SUMF1: variants seen among roughly 807,000 people sequenced by gnomAD.
SUMF1 encodes the protein formylglycine-generating enzyme.
A neutral mutation model predicts 47.6 loss-of-function variants in SUMF1; 48 were observed. The observed-to-expected ratio is 1.01, with a 90% CI of 0.80 to 1.28. SUMF1 has a LOEUF of 1.28. SUMF1 is among the 50% of genes most tolerant of loss of function. The pLI is 0.00. For missense variants in SUMF1, 571 were observed against 485.4 expected (o/e 1.18, Z -1.66); for synonymous variants, 230 against 192.1 (o/e 1.20, Z -1.63).
intron 8 of SUMF1, among the ~76,000 whole-genome samples, chr3:4,233,797 G>GA (rs1045501175): frequency 1.3e-5 from 2 of 152,056 alleles, no homozygotes; most frequent in Non-Finnish European, 2.9e-5. Flanking sequence ...ATAAGCTTCA[G>GA]AAAAAAGGGT....
chr3:4,041,017 A>C (rs1231312917), intron 9 of SUMF1, among the ~76,000 whole-genome samples: 1 of 152,210 alleles, frequency 6.6e-6, no homozygotes, highest in Non-Finnish European at 1.5e-5. Flanking sequence ...CAGTTCCCAA[A>C]GAGTGCCTTC....
chr3:4,058,502 C>A (rs190440530), intron 9 of SUMF1, among the ~76,000 whole-genome samples: 2 of 152,022 alleles, frequency 1.3e-5, no homozygotes, highest in Admixed American at 1.3e-4. Context: ...ATTAAGGGAC[C>A]AGGGACTGGC....
At chr3:4,203,248 G>C (rs985280830) in intron 8 of SUMF1, among the ~76,000 whole-genome samples, 1 of 151,778 alleles carries the variant, frequency 6.6e-6, no homozygotes, top group African/African-American at 2.4e-5. Flanking sequence ...AATAATATTT[G>C]CTTTATATAT....
chr3:4,215,373 T>G (rs896038581), intron 8 of SUMF1, among the ~76,000 whole-genome samples: 2 of 152,070 alleles, frequency 1.3e-5, no homozygotes, highest in African/African-American at 4.8e-5. Context: ...CTAAATTAAC[T>G]AGGTATTGGT....
chr3:4,459,694 C>A (rs967653866), intron 1 of SUMF1, among the ~76,000 whole-genome samples: 1 of 152,192 alleles, frequency 6.6e-6, no homozygotes. Flanking sequence ...ACACAGGCCA[C>A]CTAGTCTCAC....
At chr3:4,259,277 T>A (rs528273406) in intron 8 of SUMF1, among the ~76,000 whole-genome samples, 4 of 152,056 alleles carry the variant, frequency 2.6e-5, no homozygotes, top group Non-Finnish European at 5.9e-5. Flanking sequence ...AATAAATAAA[T>A]AAATAAATAA....
intron 9 of SUMF1, among the ~76,000 whole-genome samples, chr3:4,056,738 A>AT (rs563250268): frequency 6.6e-6 from 1 of 151,738 alleles, no homozygotes; most frequent in Non-Finnish European, 1.5e-5. Flanking sequence ...GTGATCCATA[A>AT]TTTTTTTTAT....
chr3:4,393,273 C>A (rs1044737703), intron 7 of SUMF1, among the ~76,000 whole-genome samples: 1 of 152,116 alleles, frequency 6.6e-6, no homozygotes, highest in Admixed American at 6.5e-5. Flanking sequence ...CACCCTGAAT[C>A]AAGTCAATCT....
At chr3:4,342,844 C>A (rs1021332630) in intron 8 of SUMF1, among the ~76,000 whole-genome samples, 2 of 152,218 alleles carry the variant, frequency 1.3e-5, no homozygotes, top group Non-Finnish European at 2.9e-5. Context: ...TCAGGAGCAG[C>A]TGTCCTAAAG....
At chr3:4,158,568 A>C (rs541118101) in intron 8 of SUMF1, among the ~76,000 whole-genome samples, 1 of 151,466 alleles carries the variant, frequency 6.6e-6, no homozygotes, top group South Asian at 2.1e-4. Context: ...CTATTGTTGT[A>C]TTGGGGTCTA....
intron 8 of SUMF1, among the ~76,000 whole-genome samples, chr3:4,221,151 A>G (rs1696051630): frequency 6.6e-6 from 1 of 152,122 alleles, no homozygotes; most frequent in Non-Finnish European, 1.5e-5. Flanking sequence ...CTCTCTATAA[A>G]TAATTTTCCA....
At chr3:4,092,188 G>C (rs1692803085) in intron 8 of SUMF1, among the ~76,000 whole-genome samples, 2 of 152,044 alleles carry the variant, frequency 1.3e-5, no homozygotes, top group African/African-American at 4.8e-5. Flanking sequence ...AATCTCCTCT[G>C]ACACACAGTG....
intron 8 of SUMF1, among the ~76,000 whole-genome samples, chr3:4,238,404 G>A (rs1195586394): frequency 6.6e-6 from 1 of 152,136 alleles, no homozygotes; most frequent in Admixed American, 6.5e-5. Flanking sequence ...CAGTGTAAAA[G>A]CATTCCTATT....
Position 4,362,155 on chromosome 3 carries a change from T to C in SUMF1, c.1114A>G (p.Thr372Ala), listed in dbSNP as rs779506377. Reference sequence around the variant, plus strand: ...ACTTTCCTTGGTTGTCAGTCCATAGTGGGCAGGCGGTCGGCTGCACAGCGG... The same window carrying C: ...ACTTTCCTTGGTTGTCAGTCCATAGCGGGCAGGCGGTCGGCTGCACAGCGG... The part of the protein sequence containing the change: ...GFRCAADRLP[T>A]MD Residue 372 changes from threonine to alanine, a missense_variant, in exon 9 of 9, where the codon ACT becomes GCT. Thr to Ala is a moderately conservative substitution (Grantham distance 58). Transcript: ENST00000272902. 23 of 1,614,120 alleles carry C rather than the reference T, an allele frequency of 1.4e-5. No homozygotes were observed. In the South Asian group the frequency reaches 2.2e-4, roughly 15 times the overall value.
chr3:4,260,786 C>G (rs1697069430), intron 8 of SUMF1, among the ~76,000 whole-genome samples: 1 of 151,940 alleles, frequency 6.6e-6, no homozygotes, highest in African/African-American at 2.4e-5. Flanking sequence ...AGTTCAGTAA[C>G]CAGTAGGCAG....
intron 8 of SUMF1, among the ~76,000 whole-genome samples, chr3:4,260,803 G>GCCA (rs894932765): frequency 8.5e-5 from 13 of 152,176 alleles, no homozygotes; most frequent in Non-Finnish European, 1.8e-4. Flanking sequence ...GCAGATTAAT[G>GCCA]CCACACCCAA....
In SUMF1 at chr3:4,397,027, A is replaced by G. The variant is rs74853357; in HGVS notation, c.954+13838T>C. ...AGAAACTTTCTCATCATCTACTGGTAGTGGTAGACTGCCAGATGGAATGCA... is the reference window on the plus strand; with the variant it reads ...AGAAACTTTCTCATCATCTACTGGTGGTGGTAGACTGCCAGATGGAATGCA... On this transcript the variant is annotated intron_variant, in intron 7 of 8. Coordinates refer to ENST00000272902, the MANE Select transcript of SUMF1 (RefSeq NM_182760.4). Among the ~76,000 whole-genome samples, 545 of 152,350 alleles carry G rather than the reference A, an allele frequency of 3.6e-3. 5 individuals carry two copies. Among genetic ancestry groups the G allele is most frequent in the African/African-American group, 0.013 (522 of 41,582 alleles).
At chr3:4,442,341 C>T (rs1454466971) in intron 3 of SUMF1, among the ~76,000 whole-genome samples, 8 of 151,688 alleles carry the variant, frequency 5.3e-5, no homozygotes, top group Non-Finnish European at 1.2e-4. Flanking sequence ...CTGCAAGCTC[C>T]GCCTCCCGGG....
intron 1 of SUMF1, among the ~76,000 whole-genome samples, chr3:4,458,657 C>G (rs1246813289): frequency 6.6e-6 from 1 of 152,132 alleles, no homozygotes; most frequent in Non-Finnish European, 1.5e-5. Flanking sequence ...AGATCAAGAC[C>G]ATCCTGGCTA....
Sources: gnomAD v4.1 joint callset for allele counts (sites outside exome capture counted in the v4.1 genomes callset) on GRCh38, gnomAD v4.1.1 for gene constraint, MANE v1.5 for transcripts, NCBI Gene and HGNC (gene_info 2026-07-23, HGNC 2026-07-21) for gene names.